The following PIEZO2 variants were observed in gnomAD, a reference collection of about 807,000 sequenced individuals.
The protein encoded by PIEZO2 is piezo-type mechanosensitive ion channel component 2.
PIEZO2 carries 172 observed loss-of-function variants against 337.3 expected under a neutral mutation model. The ratio of observed to expected loss-of-function variants is 0.51; its 90% confidence interval spans 0.45 to 0.58. PIEZO2 has a LOEUF of 0.58. PIEZO2 is among the 20% of genes least tolerant of loss of function. The pLI, the probability that PIEZO2 is intolerant of heterozygous loss-of-function variation, is 0.00. For missense variants in PIEZO2, 3,028 were observed against 3,391.3 expected, an observed-to-expected ratio of 0.89 and a Z score of 2.66; for synonymous variants, 1,251 against 1,228.5, an observed-to-expected ratio of 1.02 and a Z score of -0.38.
chr18:10,935,268 G>A (rs1044762791), intron 3 of PIEZO2, among the ~76,000 whole-genome samples: 1 of 152,142 alleles, frequency 6.6e-6, no homozygotes, highest in Non-Finnish European at 1.5e-5. Flanking sequence ...TGAATAGAAA[G>A]ATTTGCTTGC....
At position 10,954,743 on chromosome 18, in the gene PIEZO2, CA is replaced by C. The variant is rs2033444972; in HGVS notation, c.286+24791del. Among the ~76,000 whole-genome samples the C allele has an allele frequency of 6.6e-6, 1 of 152,174 alleles. No homozygotes were observed. Among genetic ancestry groups the C allele is most frequent in the African/African-American group, 2.4e-5 (1 of 41,450 alleles). ...AGCAAGTGGCCACAGGTCCCAGAGA[CA>C]GGGGAGACCAGGAGGACCTGAAGCA... On this transcript the variant is annotated intron_variant, in intron 3 of 55. Coordinates refer to ENST00000674853, the MANE Select transcript of PIEZO2 (RefSeq NM_001378183.1). The surrounding 1 kb of genome is among the most constrained non-coding windows in gnomAD (Gnocchi z 4.2).
chr18:10,770,275 C>G lies in PIEZO2; in HGVS notation c.2819G>C (p.Arg940Pro). 1 of 1,537,500 alleles carries G rather than the reference C, an allele frequency of 6.5e-7. No homozygotes were observed. The highest frequency in any genetic ancestry group is 8.7e-7 in the Non-Finnish European group (1 of 1,146,902). ...LRNKWHLVID[R>P]LTVLFLKFLE... ...GAATTTTAAGAAGAGCACAGTGAGGCGGTCAATCACCAGGTGCCATTTGTT... is the reference window on the plus strand; with the variant it reads ...GAATTTTAAGAAGAGCACAGTGAGGGGGTCAATCACCAGGTGCCATTTGTT... Residue 940 changes from arginine (R) to proline (P), a missense_variant, in exon 21 of 56, where the codon CGC becomes CCC. This residue lies in a region of PIEZO2 where 1,925 missense variants were observed against 2,051.9 expected (regional missense o/e 0.94). Coordinates refer to ENST00000674853, the MANE Select transcript of PIEZO2 (RefSeq NM_001378183.1).
At chr18:10,974,168 C>T (rs754167474) in intron 3 of PIEZO2, among the ~76,000 whole-genome samples, 3 of 152,190 alleles carry the variant, frequency 2.0e-5, no homozygotes, top group Non-Finnish European at 2.9e-5. Context: ...CCTCAGTCTT[C>T]TTGTCGTAGG....
At chr18:10,752,906 G>C in intron 27 of PIEZO2, 27 bp from the exon 28 acceptor site, 3 of 1,516,230 alleles carry the variant, frequency 2.0e-6, no homozygotes, top group African/African-American at 1.4e-5. Flanking sequence ...GTGACAAAAA[G>C]ACAACAACAA....
Position 11,038,131 on chromosome 18 carries a change from A to G in PIEZO2, c.160+27996T>C, listed in dbSNP as rs116317357. Among the ~76,000 whole-genome samples the G allele has an allele frequency of 2.9e-3, 440 of 152,300 alleles. 2 individuals carry two copies. Among genetic ancestry groups the G allele is most frequent in the African/African-American group, 0.01 (416 of 41,568 alleles). ...TGTAAAAGATACTCTGCACACTTTA[A>G]GAGAACTCTAGTAAAATTACAGTCT... On this transcript the variant is annotated intron_variant, in intron 2 of 55. Coordinates refer to ENST00000674853, the MANE Select transcript of PIEZO2 (RefSeq NM_001378183.1). The surrounding 1 kb of genome is among the most constrained non-coding windows in gnomAD (Gnocchi z 4.1).
chr18:10,997,232 A>AT (rs2035356442), intron 2 of PIEZO2, among the ~76,000 whole-genome samples: 1 of 151,276 alleles, frequency 6.6e-6, no homozygotes, highest in African/African-American at 2.4e-5. Flanking sequence ...GACCAACCAG[A>AT]TTGACTGCCT....
chr18:11,124,322 A>T (rs1242135165), intron 1 of PIEZO2, among the ~76,000 whole-genome samples: 7 of 152,208 alleles, frequency 4.6e-5, no homozygotes, highest in African/African-American at 1.7e-4. Context: ...AAAGACCCAA[A>T]AGGAATGAAG....
At chr18:10,927,493 T>C (rs2031817037) in intron 3 of PIEZO2, among the ~76,000 whole-genome samples, 1 of 152,126 alleles carries the variant, frequency 6.6e-6, no homozygotes, top group Non-Finnish European at 1.5e-5. Context: ...TTTCTTCAGA[T>C]TCATGCTTTT....
intron 4 of PIEZO2, among the ~76,000 whole-genome samples, chr18:10,904,783 C>T (rs1323706348): frequency 2.0e-5 from 3 of 152,232 alleles, no homozygotes; most frequent in African/African-American, 7.2e-5. Context: ...ACCCTCTGGT[C>T]TTTTAAGTCA....
At chr18:10,722,227 G>C (rs777743484) in intron 36 of PIEZO2, among the ~76,000 whole-genome samples, 3 of 146,894 alleles carry the variant, frequency 2.0e-5, no homozygotes, top group Non-Finnish European at 3.0e-5. Flanking sequence ...TTTGGGAGGA[G>C]AGACTTTTTT....
At chr18:10,868,194 C>G (rs1737759355) in intron 5 of PIEZO2, among the ~76,000 whole-genome samples, 1 of 152,210 alleles carries the variant, frequency 6.6e-6, no homozygotes, top group Non-Finnish European at 1.5e-5. Context: ...CAGGCACCAG[C>G]AGATTAATCC....
rs57885955 is a variant in PIEZO2 at position 11,143,600 on chromosome 18, A to AACACACAC, written c.64+4917_64+4924dup. ...AAAATCCTGAGAACTAAAAATCTCT[A>AACACACAC]ACACACACACACACACACACACACA... On this transcript the variant is annotated intron_variant, in intron 1 of 55. Coordinates refer to ENST00000674853, the MANE Select transcript of PIEZO2 (RefSeq NM_001378183.1). The surrounding 1 kb of genome is among the most constrained non-coding windows in gnomAD (Gnocchi z 4.9). Among the ~76,000 whole-genome samples, 7 of 106,662 alleles carry AACACACAC rather than the reference A, an allele frequency of 6.6e-5. No homozygotes were observed. In the South Asian group the frequency reaches 1.3e-3, roughly 19 times the overall value. The allele number at this position is 106,662 out of a possible 152,430, so 70.0% of individuals were successfully genotyped here. A position where few individuals can be genotyped will look rare whatever the true frequency, so the allele number is the denominator to read the frequency against.
At chr18:11,091,625 G>A (rs1275448703) in intron 1 of PIEZO2, among the ~76,000 whole-genome samples, 1 of 152,168 alleles carries the variant, frequency 6.6e-6, no homozygotes, top group Non-Finnish European at 1.5e-5. Flanking sequence ...ATAGGGATAA[G>A]AAGGCTAACT....
chr18:11,147,310 T>G (rs935379317), intron 1 of PIEZO2, among the ~76,000 whole-genome samples: 2 of 152,148 alleles, frequency 1.3e-5, no homozygotes, highest in African/African-American at 4.8e-5. Context: ...TGGCCACACC[T>G]TCCCTCCACT....
At position 10,787,184 on chromosome 18, in the gene PIEZO2, C is replaced by A; in HGVS notation, c.2170G>T (p.Val724Leu). Residue 724 changes from valine to leucine, a missense_variant and splice_region_variant, in exon 16 of 56, where the codon GTG becomes TTG. Transcript: ENST00000674853. ...LFLFCVALYQVHYEWWRKILK... is the reference protein window; with the variant it reads ...LFLFCVALYQLHYEWWRKILK... ...ATTTTCCTCCACCATTCATAGTGCA[C>A]CTGCAAATCAGACATTGAAAAAAAA... 1.3e-6 allele frequency: 2 copies of A among 1,496,028 alleles called. No homozygotes were observed. The highest frequency in any genetic ancestry group is 1.8e-6 in the Non-Finnish European group (2 of 1,134,124). 92.7% of individuals were successfully genotyped at this position (1,496,028 alleles called of 1,614,324 possible).
At chr18:10,820,019 A>T (rs953793750) in intron 7 of PIEZO2, among the ~76,000 whole-genome samples, 3 of 152,146 alleles carry the variant, frequency 2.0e-5, no homozygotes, top group Non-Finnish European at 4.4e-5. Context: ...AATGGCATTC[A>T]TTTCTGGTGA....
At chr18:10,761,161 G>A (rs1250122172) in intron 23 of PIEZO2, 50 bp from the exon 24 acceptor site, 3 of 1,461,994 alleles carry the variant, frequency 2.1e-6, no homozygotes, top group Non-Finnish European at 2.8e-6. Flanking sequence ...TTATGATTTG[G>A]TAATTTCAAG....
intron 12 of PIEZO2, among the ~76,000 whole-genome samples, chr18:10,796,398 A>G (rs2039601100): frequency 6.6e-6 from 1 of 152,054 alleles, no homozygotes; most frequent in Non-Finnish European, 1.5e-5. Flanking sequence ...ATTGCAGCTA[A>G]GAAGGAATTA....
intron 3 of PIEZO2, among the ~76,000 whole-genome samples, chr18:10,976,911 C>A (rs1371865845): frequency 6.6e-6 from 1 of 152,020 alleles, no homozygotes; most frequent in Non-Finnish European, 1.5e-5. Context: ...TCACCACTCC[C>A]TTCTTCATGG....
Sources: allele counts gnomAD v4.1 joint callset (sites outside exome capture counted in the v4.1 genomes callset), GRCh38; gene constraint gnomAD v4.1.1; regional missense constraint gnomAD v4.1.1; non-coding constraint Gnocchi (gnomAD v3.1); transcripts MANE v1.5; gene names NCBI Gene and HGNC (gene_info 2026-07-23, HGNC 2026-07-21).